PHACTR4: variants seen among roughly 807,000 people sequenced by gnomAD.
PHACTR4 encodes the protein phosphatase and actin regulator 4.
In PHACTR4, 51 loss-of-function variants were observed where a neutral mutation model predicts 72.7. The ratio of observed to expected loss-of-function variants is 0.70; its 90% confidence interval spans 0.56 to 0.89. The LOEUF is 0.89. PHACTR4 is among the 40% of genes least tolerant of loss of function. PHACTR4 has a pLI of 0.00. For synonymous variants in PHACTR4, 255 were observed against 302.5 expected (o/e 0.84, Z 1.63); for missense variants, 731 against 861.8 (o/e 0.85, Z 1.90).
intron 2 of PHACTR4, among the ~76,000 whole-genome samples, chr1:28,454,954 C>T (rs1042133600): frequency 1.8e-4 from 28 of 151,808 alleles, no homozygotes; most frequent in Non-Finnish European, 3.7e-4. Flanking sequence ...CCACCTCCCG[C>T]ATTCAAGCCA....
chr1:28,436,158 A>C (rs907858165), intron 2 of PHACTR4, among the ~76,000 whole-genome samples: 1 of 152,234 alleles, frequency 6.6e-6, no homozygotes, highest in Non-Finnish European at 1.5e-5. Flanking sequence ...AGGACAAGCT[A>C]AGTACAGGAA....
intron 3 of PHACTR4, among the ~76,000 whole-genome samples, chr1:28,459,527 A>T (rs956684795): frequency 3.3e-5 from 5 of 150,054 alleles, no homozygotes; most frequent in African/African-American, 9.8e-5. Flanking sequence ...TCAGCCTCCC[A>T]AGTAGCTGGA....
intron 9 of PHACTR4, among the ~76,000 whole-genome samples, chr1:28,484,958 G>A (rs1480532992): frequency 6.6e-6 from 1 of 151,842 alleles, no homozygotes; most frequent in African/African-American, 2.4e-5. Context: ...AAGAGCAAAA[G>A]AAACTCCGTT....
At chr1:28,457,611 T>TAAG (rs1658484415) in intron 2 of PHACTR4, among the ~76,000 whole-genome samples, 1 of 151,450 alleles carries the variant, frequency 6.6e-6, no homozygotes, top group Non-Finnish European at 1.5e-5. Context: ...TCTAAAATAA[T>TAAG]AATAATAATA....
chr1:28,446,673 G>A (rs1480366033), intron 2 of PHACTR4, among the ~76,000 whole-genome samples: 2 of 152,050 alleles, frequency 1.3e-5, no homozygotes, highest in Non-Finnish European at 2.9e-5. Flanking sequence ...CAGCTATTCA[G>A]GAGGCTGAGG....
intron 2 of PHACTR4, among the ~76,000 whole-genome samples, chr1:28,420,367 T>A (rs1391916273): frequency 3.3e-5 from 5 of 152,172 alleles, no homozygotes; most frequent in African/African-American, 1.2e-4. Flanking sequence ...CAAGATCTGA[T>A]GGTTTTATAA....
At chr1:28,373,593 A>C (rs1651415116) in intron 1 of PHACTR4, among the ~76,000 whole-genome samples, 1 of 151,766 alleles carries the variant, frequency 6.6e-6, no homozygotes, top group African/African-American at 2.4e-5. Context: ...CCTGGCCCAT[A>C]ATTTTATAAT....
At chr1:28,469,714 A>G (rs1181536748) in intron 6 of PHACTR4, among the ~76,000 whole-genome samples, 1 of 152,174 alleles carries the variant, frequency 6.6e-6, no homozygotes, top group Non-Finnish European at 1.5e-5. Context: ...CATTTTTAGA[A>G]TCTTTTTGTG....
At chr1:28,398,015 A>AT (rs1653653181) in intron 1 of PHACTR4, among the ~76,000 whole-genome samples, 1 of 151,872 alleles carries the variant, frequency 6.6e-6, no homozygotes, top group African/African-American at 2.4e-5. Context: ...CGCTGGCCTA[A>AT]TTTTTGCTTT....
chr1:28,433,818 G>A (rs1656451818), intron 2 of PHACTR4, among the ~76,000 whole-genome samples: 1 of 151,312 alleles, frequency 6.6e-6, no homozygotes. Context: ...GTCTCGCTCT[G>A]TCACCCAGGC....
intron 1 of PHACTR4, among the ~76,000 whole-genome samples, chr1:28,394,969 A>AG (rs1331219893): frequency 2.0e-5 from 3 of 148,538 alleles, no homozygotes; most frequent in African/African-American, 7.5e-5. Context: ...GCTGGAGTAC[A>AG]GTGGCACGGT....
In PHACTR4 at chr1:28,444,287, G is replaced by A. The variant is rs570065563; in HGVS notation, c.17-14798G>A. Reference sequence around the variant, plus strand: ...TGTCGCCAGGCTGGAATGCAGTGGCGTGAGCAGTCTTGGCTCACTGCAACC... The same window carrying A: ...TGTCGCCAGGCTGGAATGCAGTGGCATGAGCAGTCTTGGCTCACTGCAACC... On this transcript the variant is annotated intron_variant, in intron 2 of 13. Transcript: ENST00000373839. Among the ~76,000 whole-genome samples the A allele has an allele frequency of 1.6e-4, 22 of 133,788 alleles. No individual in the cohort carries two copies. In the East Asian group the frequency reaches 1.7e-3, roughly 10 times the overall value. 87.8% of individuals were successfully genotyped at this position (133,788 alleles called of 152,430 possible).
chr1:28,444,243 T>TTTTTTTTTTTTTTTTTTTTTTTTTTTTC (rs1553194313), intron 2 of PHACTR4, among the ~76,000 whole-genome samples: 2 of 97,376 alleles, frequency 2.1e-5, no homozygotes, highest in Non-Finnish European at 2.1e-5. Context: ...TTTTTTTTTT[T>TTTTTTTTTTTTTTTTTTTTTTTTTTTTC]TGAGACAGAG....
chr1:28,418,313 A>AT (rs1655248448), intron 2 of PHACTR4, among the ~76,000 whole-genome samples: 3 of 148,950 alleles, frequency 2.0e-5, no homozygotes, highest in African/African-American at 7.7e-5. Flanking sequence ...AAATACAAAA[A>AT]AAAAAAATAA....
At chr1:28,474,757 G>T (rs997596948) in intron 7 of PHACTR4, among the ~76,000 whole-genome samples, 2 of 151,536 alleles carry the variant, frequency 1.3e-5, no homozygotes, top group Non-Finnish European at 2.9e-5. Context: ...TGGCCAGGCT[G>T]GTCTCGAACT....
intron 2 of PHACTR4, chr1:28,433,187 C>A: frequency 4.3e-6 from 3 of 700,480 alleles, no homozygotes; most frequent in Middle Eastern, 7.2e-4. Flanking sequence ...CAAGAGATAG[C>A]TGTCTACTTC....
In PHACTR4 at chr1:28,476,154, G is replaced by T. The variant is rs755380108; in HGVS notation, c.1469G>T (p.Ser490Ile). 1 of 1,612,110 alleles carries T rather than the reference G, an allele frequency of 6.2e-7. No individual in the cohort carries two copies. Among genetic ancestry groups the T allele is most frequent in the South Asian group, 1.1e-5 (1 of 90,964 alleles). The change falls in exon 8 of 14, where the codon AGT becomes ATT. Residue 490 changes from serine (S) to isoleucine (I), a missense_variant. By Grantham distance (142) the Ser-to-Ile change is moderately radical. Around this residue, in one of 2 missense-constraint regions of PHACTR4, gnomAD observed 621 missense variants for 676.6 expected, o/e 0.92. Transcript: ENST00000373839. ...GAGCAAACCTGTCCATCCACATTCA[G>T]TGAAGAAATGACACCTACCTCAGTC... is the stretch of plus-strand genomic sequence containing the variant. ...EEEQTCPSTF[S>I]EEMTPTSVIP... is the part of the protein sequence containing the mutation.
chr1:28,390,237 G>T (rs1030046794), intron 1 of PHACTR4, among the ~76,000 whole-genome samples: 3 of 151,980 alleles, frequency 2.0e-5, no homozygotes, highest in Non-Finnish European at 4.4e-5. Context: ...CTATAGCCTC[G>T]AAGTCCCTCC....
chr1:28,375,005 A>C (rs1387517880), intron 1 of PHACTR4, among the ~76,000 whole-genome samples: 3 of 152,164 alleles, frequency 2.0e-5, no homozygotes, highest in African/African-American at 4.8e-5. Context: ...TTTTACTACT[A>C]TTAGAAGAAG....
Sources: allele counts gnomAD v4.1 joint callset (sites outside exome capture counted in the v4.1 genomes callset), GRCh38; gene constraint gnomAD v4.1.1; regional missense constraint gnomAD v4.1.1; transcripts MANE v1.5; gene names NCBI Gene and HGNC (gene_info 2026-07-23, HGNC 2026-07-21).